Variants in DCLK1 observed in about 807,000 individuals in gnomAD.
The protein encoded by DCLK1 is doublecortin like kinase 1.
DCLK1 carries 16 observed loss-of-function variants against 86.2 expected under a neutral mutation model. The observed-to-expected ratio is 0.19, with a 90% CI of 0.13 to 0.28. The LOEUF is 0.28. DCLK1 is among the 10% of genes least tolerant of loss of function. The pLI is 1.00. For synonymous variants in DCLK1, 369 were observed against 370.5 expected (o/e 1.00, Z 0.05); for missense variants, 590 against 940.2 (o/e 0.63, Z 4.87).
At chr13:35,903,037 G>C (rs976342819) in intron 4 of DCLK1, among the ~76,000 whole-genome samples, 8 of 152,170 alleles carry the variant, frequency 5.3e-5, no homozygotes, top group Non-Finnish European at 1.0e-4. Context: ...GAATGGGGCA[G>C]GGAAAGAAAA....
rs571001401 is a variant in DCLK1 at position 36,044,782 on chromosome 13, TA to T, written c.723+67086del. Among the ~76,000 whole-genome samples, 407 of 152,190 alleles carry T rather than the reference TA, an allele frequency of 2.7e-3. 1 individual carries two copies. Among genetic ancestry groups the T allele is most frequent in the African/African-American group, 9.1e-3 (379 of 41,536 alleles). On this transcript the variant is annotated intron_variant, in intron 3 of 16. Coordinates refer to ENST00000360631, the MANE Select transcript of DCLK1 (RefSeq NM_001330071.2). ...GATAACAAGTTTTTATCAAAAACGT[TA>T]AAAATCTAAACATGAAAAATCAAGA...
At chr13:35,884,207 A>G (rs935289745) in intron 4 of DCLK1, among the ~76,000 whole-genome samples, 10 of 152,204 alleles carry the variant, frequency 6.6e-5, no homozygotes, top group African/African-American at 1.2e-4. Flanking sequence ...ACTTGGAAAA[A>G]AAAAAGACTA....
chr13:35,946,216 C>G (rs2153133014), intron 4 of DCLK1, among the ~76,000 whole-genome samples: 1 of 152,266 alleles, frequency 6.6e-6, no homozygotes, highest in South Asian at 2.1e-4. Context: ...GTTGCCCAGG[C>G]TAGTCTCAAA....
intron 4 of DCLK1, among the ~76,000 whole-genome samples, chr13:35,883,241 G>C (rs1482923715): frequency 6.6e-6 from 1 of 152,206 alleles, no homozygotes; most frequent in African/African-American, 2.4e-5. Context: ...CCCCATGTGG[G>C]AGGCGGGGCC....
intron 3 of DCLK1, among the ~76,000 whole-genome samples, chr13:36,026,231 T>G (rs1038926108): frequency 6.6e-6 from 1 of 152,210 alleles, no homozygotes; most frequent in Non-Finnish European, 1.5e-5. Context: ...AGAAATAACC[T>G]GACACTTGTC....
At chr13:35,988,335 C>T (rs1360685263) in intron 3 of DCLK1, among the ~76,000 whole-genome samples, 1 of 152,192 alleles carries the variant, frequency 6.6e-6, no homozygotes. Context: ...GTGAGGGTGC[C>T]CGTTTTGTAC....
intron 15 of DCLK1, among the ~76,000 whole-genome samples, chr13:35,803,998 T>C (rs1299845558): frequency 6.6e-6 from 1 of 152,198 alleles, no homozygotes; most frequent in South Asian, 2.1e-4. Flanking sequence ...GAAACTAGAT[T>C]ACAAAGTTAC....
Position 35,808,207 on chromosome 13 carries a change from A to C in DCLK1, c.1863+17T>G. ...GACACACAGAATATAGGGAAGAGGA[A>C]GGCACTGGACACCTACCTTTGCAGA... On this transcript the variant is annotated intron_variant, in intron 14 of 16. Transcript: ENST00000360631. 2 of 1,606,394 alleles carry C rather than the reference A, an allele frequency of 1.2e-6. No homozygotes were observed. The highest frequency in any genetic ancestry group is 1.7e-6 in the Non-Finnish European group (2 of 1,172,988).
At chr13:35,962,415 G>T (rs1372698361) in intron 3 of DCLK1, among the ~76,000 whole-genome samples, 1 of 152,118 alleles carries the variant, frequency 6.6e-6, no homozygotes, top group Admixed American at 6.5e-5. Context: ...ACCAAAGATT[G>T]CCAGCAAACA....
intron 3 of DCLK1, among the ~76,000 whole-genome samples, chr13:35,998,200 C>T (rs1880556005): frequency 6.6e-6 from 1 of 152,124 alleles, no homozygotes; most frequent in Admixed American, 6.6e-5. Context: ...AATTGACTCA[C>T]AACGTCCTTA....
chr13:35,946,483 A>G (rs1395567880), intron 4 of DCLK1, among the ~76,000 whole-genome samples: 1 of 152,224 alleles, frequency 6.6e-6, no homozygotes, highest in East Asian at 1.9e-4. Flanking sequence ...CACTTTTCCC[A>G]TTATTGTTAA....
intron 3 of DCLK1, among the ~76,000 whole-genome samples, chr13:35,952,895 G>T (rs1877781683): frequency 6.6e-6 from 1 of 152,160 alleles, no homozygotes; most frequent in African/African-American, 2.4e-5. Context: ...GATGTGCTGG[G>T]AAAAGTCCTT....
At chr13:36,019,918 A>G (rs1417529118) in intron 3 of DCLK1, among the ~76,000 whole-genome samples, 1 of 152,172 alleles carries the variant, frequency 6.6e-6, no homozygotes, top group African/African-American at 2.4e-5. Context: ...CCAATATTGA[A>G]GGTGGGGCCT....
chr13:36,067,818 C>T (rs552589766), intron 3 of DCLK1, among the ~76,000 whole-genome samples: 39 of 152,122 alleles, frequency 2.6e-4, no homozygotes, highest in Non-Finnish European at 4.9e-4. Context: ...CAGCAGGCAG[C>T]ATTTCCTGCA....
chr13:35,924,283 A>T (rs542454623), intron 4 of DCLK1, among the ~76,000 whole-genome samples: 13 of 152,164 alleles, frequency 8.5e-5, no homozygotes, highest in African/African-American at 3.1e-4. Context: ...GTCTCAGAGC[A>T]TCCAGCAGAC....
chr13:35,916,668 G>A lies in DCLK1; in HGVS notation c.823+30690C>T, dbSNP rs527323750. On this transcript the variant is annotated intron_variant, in intron 4 of 16. Transcript: ENST00000360631. ...TCTGTAGATACCCTTTCCTTAGCAGGTCAAAACATGAAACTTTAATACACA... is the reference window on the plus strand; with the variant it reads ...TCTGTAGATACCCTTTCCTTAGCAGATCAAAACATGAAACTTTAATACACA... 9.9e-5 allele frequency among the ~76,000 whole-genome samples: 15 copies of A among 151,636 alleles called. No individual in the cohort carries two copies. In the South Asian group the frequency reaches 3.1e-3, roughly 32 times the overall value.
chr13:35,910,267 C>A (rs752933882), intron 4 of DCLK1, among the ~76,000 whole-genome samples: 20 of 152,200 alleles, frequency 1.3e-4, no homozygotes, highest in Non-Finnish European at 2.5e-4. Context: ...ATGTACTCTG[C>A]AGCGATTGAG....
At chr13:35,958,031 T>TACC (rs1304121792) in intron 3 of DCLK1, among the ~76,000 whole-genome samples, 1 of 4,414 alleles carries the variant, frequency 2.3e-4, no homozygotes, top group Admixed American at 2.0e-3. Flanking sequence ...ACACCACAAC[T>TACC]ACCACCACCA....
chr13:35,884,927 C>T (rs937191212), intron 4 of DCLK1, among the ~76,000 whole-genome samples: 2 of 152,162 alleles, frequency 1.3e-5, no homozygotes, highest in Non-Finnish European at 2.9e-5. Flanking sequence ...CTCTGTGCTG[C>T]CCAATACCTT....
Sources: gnomAD v4.1 joint callset for allele counts (sites outside exome capture counted in the v4.1 genomes callset) on GRCh38, gnomAD v4.1.1 for gene constraint, MANE v1.5 for transcripts, NCBI Gene and HGNC (gene_info 2026-07-23, HGNC 2026-07-21) for gene names.